The following SLC33A1 variants were observed in gnomAD, a reference collection of about 807,000 sequenced individuals.
SLC33A1 encodes the protein acetyl-coenzyme A transporter 1.
In SLC33A1, 20 loss-of-function variants were observed where a neutral mutation model predicts 50.0. The ratio of observed to expected loss-of-function variants is 0.40; its 90% confidence interval spans 0.28 to 0.58. The LOEUF is 0.58. Ranked by LOEUF, SLC33A1 falls within the 20% of genes least tolerant of loss-of-function variation. SLC33A1 has a pLI of 0.44. For synonymous variants in SLC33A1, 265 were observed against 251.8 expected (o/e 1.05, Z -0.50); for missense variants, 476 against 657.0 (o/e 0.72, Z 3.01).
intron 2 of SLC33A1, among the ~76,000 whole-genome samples, chr3:155,841,257 A>G: frequency 6.6e-6 from 1 of 151,920 alleles, no homozygotes; most frequent in Non-Finnish European, 1.5e-5. Context: ...GTTTTGCCAT[A>G]TTCAGGCTGG....
At chr3:155,852,531 T>G (rs1207158411) in intron 1 of SLC33A1, among the ~76,000 whole-genome samples, 1 of 152,222 alleles carries the variant, frequency 6.6e-6, no homozygotes, top group African/African-American at 2.4e-5. Context: ...GTCCTGTACT[T>G]TTTTGTACTT....
At chr3:155,850,245 G>A (rs1173690842) in intron 1 of SLC33A1, among the ~76,000 whole-genome samples, 2 of 152,070 alleles carry the variant, frequency 1.3e-5, no homozygotes, top group Admixed American at 1.3e-4. Flanking sequence ...CTGACCTTGT[G>A]ATCCTCCTGC....
Position 155,833,564 on chromosome 3 carries a change from A to G in SLC33A1, c.1170T>C (p.Tyr390=). 4 of 1,589,074 alleles carry G rather than the reference A, an allele frequency of 2.5e-6. No homozygotes were observed. The highest frequency in any genetic ancestry group is 2.6e-6 in the Non-Finnish European group (3 of 1,157,414). The change falls in exon 4 of 6, where the codon TAT becomes TAC. Residue 390 remains tyrosine (Y), a synonymous_variant. Transcript: ENST00000643144. The stretch of plus-strand genomic sequence containing the variant: ...TAGGAGTCCACCAAACCAGTAGGGC[A>G]TATTCTAACCCAAGCAATAATCTAT... ...MPYRLLLGLE[Y]ALLVWWTPKV...
chr3:155,846,618 A>G (rs1292613664), intron 1 of SLC33A1, among the ~76,000 whole-genome samples: 2 of 151,842 alleles, frequency 1.3e-5, no homozygotes, highest in Non-Finnish European at 2.9e-5. Context: ...TACCCCAGCT[A>G]ATTTTTGTAT....
At chr3:155,833,835 T>C in intron 3 of SLC33A1, 22 bp downstream of exon 3, 1 of 1,575,206 alleles carries the variant, frequency 6.3e-7, no homozygotes, top group Non-Finnish European at 8.7e-7. Flanking sequence ...TCTTATTTAG[T>C]AAGGTTTTAT....
chr3:155,842,749 C>G, intron 1 of SLC33A1, 130 bp from the exon 2 acceptor site: 1 of 550,630 alleles, frequency 1.8e-6, no homozygotes, highest in South Asian at 2.6e-5. Flanking sequence ...GTGCTCATGC[C>G]TGTAATCCTA....
chr3:155,833,788 A>G, intron 3 of SLC33A1, 69 bp downstream of exon 3: 3 of 1,183,250 alleles, frequency 2.5e-6, no homozygotes, highest in South Asian at 1.2e-5. Flanking sequence ...ACGCTCAGAT[A>G]TTAGTGGTAT....
intron 2 of SLC33A1, among the ~76,000 whole-genome samples, chr3:155,839,300 C>CAAAAAAAA (rs550171374): frequency 7.8e-5 from 2 of 25,702 alleles, no homozygotes; most frequent in East Asian, 1.4e-3. Flanking sequence ...AACTCCGCCT[C>CAAAAAAAA]AAAAAAAAAA....
chr3:155,853,816 A>G lies in SLC33A1; in HGVS notation c.182T>C (p.Phe61Ser). ...CCGGAAGCTCTGTGGGGCTTTTAAGAAGTCGCCAGTGCCGGTATCCCCCAG... is the reference window on the plus strand; with the variant it reads ...CCGGAAGCTCTGTGGGGCTTTTAAGGAGTCGCCAGTGCCGGTATCCCCCAG... ...ALLGDTGTGD[F>S]LKAPQSFRAE... The change falls in exon 1 of 6, where the codon TTC becomes TCC. Residue 61 changes from phenylalanine to serine, a missense_variant. Coordinates refer to ENST00000643144, the MANE Select transcript of SLC33A1 (RefSeq NM_004733.4). The G allele has an allele frequency of 1.2e-6, 2 of 1,611,100 alleles. No individual in the cohort carries two copies. The highest frequency in any genetic ancestry group is 2.2e-5 in the South Asian group (2 of 91,018).
chr3:155,852,521 G>A (rs889351806), intron 1 of SLC33A1, among the ~76,000 whole-genome samples: 1 of 152,188 alleles, frequency 6.6e-6, no homozygotes, highest in Non-Finnish European at 1.5e-5. Context: ...TTTAGGCAAT[G>A]TCCTGTACTT....
chr3:155,851,071 G>C (rs866115420), intron 1 of SLC33A1, among the ~76,000 whole-genome samples: 1 of 151,802 alleles, frequency 6.6e-6, no homozygotes. Flanking sequence ...GTGAAACCTT[G>C]TCTGTACTAA....
intron 1 of SLC33A1, among the ~76,000 whole-genome samples, chr3:155,847,070 T>C (rs1243700382): frequency 6.6e-6 from 1 of 151,590 alleles, no homozygotes; most frequent in Non-Finnish European, 1.5e-5. Context: ...TAACCAGGCA[T>C]GGTGGCACAT....
At chr3:155,846,932 G>A (rs1397905270) in intron 1 of SLC33A1, among the ~76,000 whole-genome samples, 2 of 152,004 alleles carry the variant, frequency 1.3e-5, no homozygotes, top group South Asian at 4.2e-4. Context: ...AATAGGCTGG[G>A]CGTGGTGGCT....
intron 2 of SLC33A1, among the ~76,000 whole-genome samples, chr3:155,836,523 T>C (rs575025853): frequency 6.6e-6 from 1 of 152,166 alleles, no homozygotes; most frequent in Non-Finnish European, 1.5e-5. Flanking sequence ...TCTTAAAATG[T>C]TAAAAAAGTC....
At chr3:155,830,237 G>C (rs1752367276) in intron 4 of SLC33A1, among the ~76,000 whole-genome samples, 1 of 151,740 alleles carries the variant, frequency 6.6e-6, no homozygotes. Flanking sequence ...GCCGGATGTG[G>C]TGGCAGGCGC....
chr3:155,844,496 T>A (rs1418768467), intron 1 of SLC33A1, among the ~76,000 whole-genome samples: 1 of 116,584 alleles, frequency 8.6e-6, no homozygotes, highest in African/African-American at 3.1e-5. Flanking sequence ...TGAGACGGAG[T>A]CTCACTCTTG....
At chr3:155,847,813 T>C (rs527241782) in intron 1 of SLC33A1, among the ~76,000 whole-genome samples, 12 of 152,278 alleles carry the variant, frequency 7.9e-5, no homozygotes, top group African/African-American at 2.4e-4. Context: ...AATACTGTTT[T>C]TATTGTCATT....
intron 2 of SLC33A1, among the ~76,000 whole-genome samples, chr3:155,836,597 A>G (rs1250569103): frequency 6.6e-6 from 1 of 152,052 alleles, no homozygotes; most frequent in Admixed American, 6.6e-5. Flanking sequence ...CAAATTCAAA[A>G]TATATTTTAA....
chr3:155,830,381 T>A (rs533693569), intron 4 of SLC33A1, among the ~76,000 whole-genome samples: 62 of 150,508 alleles, frequency 4.1e-4, no homozygotes, highest in East Asian at 1.9e-3. Context: ...TCAAAAAAAA[T>A]AAATAAATAA....
Sources: gnomAD v4.1 joint callset for allele counts (sites outside exome capture counted in the v4.1 genomes callset) on GRCh38, gnomAD v4.1.1 for gene constraint, MANE v1.5 for transcripts, NCBI Gene and HGNC (gene_info 2026-07-23, HGNC 2026-07-21) for gene names.